ADGRL3: variants seen among roughly 807,000 people sequenced by gnomAD.
ADGRL3 encodes the protein adhesion G protein-coupled receptor L3.
In ADGRL3, 62 loss-of-function variants were observed where a neutral mutation model predicts 153.5. The ratio of observed to expected loss-of-function variants is 0.40; its 90% CI spans 0.33 to 0.50. The LOEUF is 0.50. Ranked by LOEUF, ADGRL3 falls within the 20% of genes least tolerant of loss-of-function variation. ADGRL3 has a pLI of 0.47. For synonymous variants in ADGRL3, 710 were observed against 672.5 expected (o/e 1.06, Z -0.86); for missense variants, 1,641 against 1,859.4 (o/e 0.88, Z 2.16).
chr4:61,354,613 C>T (rs575309616), intron 1 of ADGRL3, among the ~76,000 whole-genome samples: 1 of 147,888 alleles, frequency 6.8e-6, no homozygotes, highest in Non-Finnish European at 1.5e-5. Context: ...CTTTAGTGAC[C>T]CAAATAAAAT....
intron 9 of ADGRL3, among the ~76,000 whole-genome samples, chr4:61,878,205 A>C (rs2098487058): frequency 6.6e-6 from 1 of 152,208 alleles, no homozygotes; most frequent in Admixed American, 6.5e-5. Context: ...ATATAAGATT[A>C]GGGACCAACC....
At chr4:62,047,545 A>T (rs1458173056) in intron 25 of ADGRL3, among the ~76,000 whole-genome samples, 1 of 152,032 alleles carries the variant, frequency 6.6e-6, no homozygotes, top group Non-Finnish European at 1.5e-5. Context: ...TAGATTTCCC[A>T]ATGTGATAAA....
intron 19 of ADGRL3, among the ~76,000 whole-genome samples, chr4:61,987,135 TTTTATTTTATTTTA>T (rs907605606): frequency 1.4e-5 from 2 of 138,622 alleles, no homozygotes; most frequent in African/African-American, 5.5e-5. Context: ...TTTTATTTTA[TTTTATTTTATTTTA>T]TTTATTTTAT....
intron 9 of ADGRL3, among the ~76,000 whole-genome samples, chr4:61,815,881 C>T (rs986817531): frequency 1.3e-5 from 2 of 152,144 alleles, no homozygotes; most frequent in African/African-American, 4.8e-5. Context: ...ATCTGCCAGC[C>T]CCTGACGATG....
At chr4:61,708,475 A>G (rs1170633764) in intron 6 of ADGRL3, among the ~76,000 whole-genome samples, 1 of 108,894 alleles carries the variant, frequency 9.2e-6, no homozygotes, top group African/African-American at 4.2e-5. Flanking sequence ...TTAAAGTTTT[A>G]CAGTCTTTGT....
intron 1 of ADGRL3, among the ~76,000 whole-genome samples, chr4:61,337,873 A>G (rs2095712817): frequency 6.6e-6 from 1 of 152,146 alleles, no homozygotes; most frequent in Non-Finnish European, 1.5e-5. Flanking sequence ...ACTCTTAAAC[A>G]CATACTCTCT....
intron 1 of ADGRL3, among the ~76,000 whole-genome samples, chr4:61,209,047 A>C (rs1738626855): frequency 6.6e-6 from 1 of 152,146 alleles, no homozygotes; most frequent in Non-Finnish European, 1.5e-5. Context: ...TAAGAACTTT[A>C]AGTTATAGAT....
intron 1 of ADGRL3, among the ~76,000 whole-genome samples, chr4:61,310,841 G>T (rs750565520): frequency 7.9e-5 from 12 of 151,646 alleles, no homozygotes; most frequent in Non-Finnish European, 1.5e-4. Context: ...AGTGCTTGTG[G>T]ACCCTATAAA....
chr4:61,947,115 A>C lies in ADGRL3; in HGVS notation c.2621A>C (p.His874Pro). 1.2e-6 allele frequency: 2 copies of C among 1,612,566 alleles called. No individual in the cohort carries two copies. The highest frequency in any genetic ancestry group is 1.7e-6 in the Non-Finnish European group (2 of 1,178,686). ...LADPVVFTVK[H>P]IKQSEENFNP... The stretch of plus-strand genomic sequence containing the variant: ...GATCCTGTGGTATTTACTGTTAAAC[A>C]TATCAAGGTAAGAAAATGGCATATT... The change falls in exon 16 of 27, where the codon CAT becomes CCT. Residue 874 changes from histidine to proline, a missense_variant. Coordinates refer to ENST00000683033, the MANE Select transcript of ADGRL3 (RefSeq NM_001387552.1).
chr4:62,045,588 T>C (rs1582040233), intron 25 of ADGRL3, among the ~76,000 whole-genome samples: 1 of 152,002 alleles, frequency 6.6e-6, no homozygotes, highest in East Asian at 1.9e-4. Context: ...TCTCAATTAT[T>C]TGTACTCAAG....
chr4:61,409,083 T>C (rs1250601040), intron 2 of ADGRL3, among the ~76,000 whole-genome samples: 2 of 150,756 alleles, frequency 1.3e-5, no homozygotes, highest in Admixed American at 6.7e-5. Flanking sequence ...GCCTGACTCA[T>C]TAACTTGCTT....
chr4:61,233,705 G>A (rs564015513), intron 1 of ADGRL3, among the ~76,000 whole-genome samples: 220 of 152,036 alleles, frequency 1.4e-3, no homozygotes, highest in African/African-American at 4.5e-3. Flanking sequence ...TGTGTAGTGC[G>A]TGTGTGTGTG....
intron 2 of ADGRL3, among the ~76,000 whole-genome samples, chr4:61,489,579 T>A (rs1055913590): frequency 5.3e-5 from 8 of 152,048 alleles, no homozygotes; most frequent in Non-Finnish European, 1.0e-4. Context: ...CAATATTTGA[T>A]CTCAAATAGC....
intron 13 of ADGRL3, among the ~76,000 whole-genome samples, chr4:61,924,084 C>A (rs2098783057): frequency 6.6e-6 from 1 of 152,122 alleles, no homozygotes; most frequent in South Asian, 2.1e-4. Flanking sequence ...CACTACACCA[C>A]CGAAACTGCC....
intron 1 of ADGRL3, among the ~76,000 whole-genome samples, chr4:61,293,897 A>C (rs1301972551): frequency 2.0e-5 from 3 of 152,174 alleles, no homozygotes; most frequent in Non-Finnish European, 4.4e-5. Context: ...CACAGATGTG[A>C]AAAGGTCTCT....
intron 1 of ADGRL3, among the ~76,000 whole-genome samples, chr4:61,287,271 C>A (rs1388098461): frequency 6.6e-6 from 1 of 151,772 alleles, no homozygotes; most frequent in Non-Finnish European, 1.5e-5. Context: ...TTTAATAATA[C>A]TAATATAATC....
intron 17 of ADGRL3, among the ~76,000 whole-genome samples, chr4:61,959,008 A>G (rs574550625): frequency 6.6e-6 from 1 of 152,324 alleles, no homozygotes; most frequent in Admixed American, 6.5e-5. Flanking sequence ...CCCAAAAGTA[A>G]CCATTATAAA....
intron 8 of ADGRL3, among the ~76,000 whole-genome samples, chr4:61,743,037 C>A (rs1012256082): frequency 2.0e-5 from 3 of 150,774 alleles, no homozygotes; most frequent in Non-Finnish European, 4.4e-5. Flanking sequence ...AAAAACAATT[C>A]TGGCTGGGCT....
chr4:61,251,776 G>T (rs1759352796), intron 1 of ADGRL3, among the ~76,000 whole-genome samples: 1 of 129,776 alleles, frequency 7.7e-6, no homozygotes, highest in Non-Finnish European at 1.6e-5. Context: ...CTCAACTCTA[G>T]GATTTTTTTT....
Sources: gnomAD v4.1 joint callset for allele counts (sites outside exome capture counted in the v4.1 genomes callset) on GRCh38, gnomAD v4.1.1 for gene constraint, MANE v1.5 for transcripts, NCBI Gene and HGNC (gene_info 2026-07-23, HGNC 2026-07-21) for gene names.